Variants in SGCZ observed in about 807,000 individuals in gnomAD.
SGCZ encodes zeta-sarcoglycan.
A neutral mutation model predicts 41.3 loss-of-function variants in SGCZ; 40 were observed. The ratio of observed to expected loss-of-function variants is 0.97; its 90% confidence interval spans 0.75 to 1.26. SGCZ has a LOEUF of 1.26. Among genes scored for constraint, SGCZ ranks in the 50% most tolerant of loss-of-function variants. The pLI is 0.00. For synonymous variants in SGCZ, 206 were observed against 137.5 expected, an observed-to-expected ratio of 1.50 and a Z score of -3.49; for missense variants, 552 against 369.8, an observed-to-expected ratio of 1.49 and a Z score of -4.04.
At chr8:14,960,788 T>C (rs1333846571) in intron 1 of SGCZ, among the ~76,000 whole-genome samples, 3 of 152,038 alleles carry the variant, frequency 2.0e-5, no homozygotes, top group African/African-American at 7.2e-5. Flanking sequence ...TTCTACTACA[T>C]CAATTAAGGA....
intron 1 of SGCZ, among the ~76,000 whole-genome samples, chr8:14,702,834 TA>T (rs35802628): frequency 0.18 from 19,966 of 108,154 alleles, 2,115 homozygotes; most frequent in Non-Finnish European, 0.26. Context: ...GATAGATAGA[TA>T]GATAGATAGA....
At chr8:14,502,722 G>A (rs186246512) in intron 2 of SGCZ, among the ~76,000 whole-genome samples, 9 of 152,278 alleles carry the variant, frequency 5.9e-5, no homozygotes, top group Admixed American at 5.2e-4. Context: ...CTGGTCATTG[G>A]AGAAATGCAA....
intron 1 of SGCZ, among the ~76,000 whole-genome samples, chr8:15,184,627 A>G (rs1465672488): frequency 6.6e-6 from 1 of 152,134 alleles, no homozygotes; most frequent in African/African-American, 2.4e-5. Context: ...CCCCAGCAGG[A>G]AACTGAGAGG....
At chr8:14,824,477 A>G (rs1376787885) in intron 1 of SGCZ, among the ~76,000 whole-genome samples, 2 of 152,080 alleles carry the variant, frequency 1.3e-5, no homozygotes, top group Non-Finnish European at 2.9e-5. Flanking sequence ...GTTACTTCAA[A>G]TATTTCCATA....
intron 2 of SGCZ, among the ~76,000 whole-genome samples, chr8:14,466,450 G>A (rs1801052725): frequency 6.6e-6 from 1 of 151,938 alleles, no homozygotes; most frequent in Admixed American, 6.6e-5. Flanking sequence ...ATTGAAGTGA[G>A]AGTCTTTTAG....
intron 1 of SGCZ, among the ~76,000 whole-genome samples, chr8:14,697,883 TTC>T (rs1193539140): frequency 6.6e-6 from 1 of 152,020 alleles, no homozygotes; most frequent in Non-Finnish European, 1.5e-5. Flanking sequence ...CTTGGTTGCT[TTC>T]TGTTTCCCTC....
intron 2 of SGCZ, among the ~76,000 whole-genome samples, chr8:14,497,852 C>G (rs1301979297): frequency 1.3e-5 from 2 of 152,146 alleles, no homozygotes; most frequent in African/African-American, 4.8e-5. Flanking sequence ...AACAATAAGA[C>G]AGTTAGGTTG....
In SGCZ at chr8:15,223,754, T is replaced by C. The variant is rs190417207; in HGVS notation, c.39+13831A>G. Among the ~76,000 whole-genome samples, 46 of 152,326 alleles carry C rather than the reference T, an allele frequency of 3.0e-4. 1 individual carries two copies. The highest frequency in any genetic ancestry group is 5.2e-4 in the Admixed American group (8 of 15,302). ...ATTATATTTTGCACATTTCAGATAG[T>C]ATGGAGTCATTACAGAATATGTATT... On this transcript the variant is annotated intron_variant, in intron 1 of 7. Transcript: ENST00000382080.
intron 2 of SGCZ, among the ~76,000 whole-genome samples, chr8:14,412,503 G>A: frequency 6.6e-6 from 1 of 152,098 alleles, no homozygotes; most frequent in East Asian, 1.9e-4. Context: ...CATAAATGCT[G>A]CCAGGCCTTG....
chr8:14,778,673 T>C (rs539666877), intron 1 of SGCZ, among the ~76,000 whole-genome samples: 135 of 152,286 alleles, frequency 8.9e-4, no homozygotes, highest in Non-Finnish European at 1.4e-3. Context: ...AGGACATTAA[T>C]CAATATTTCA....
chr8:14,346,357 T>C (rs1183459440), intron 2 of SGCZ, among the ~76,000 whole-genome samples: 3 of 152,062 alleles, frequency 2.0e-5, no homozygotes, highest in African/African-American at 7.2e-5. Context: ...TCATGCATTA[T>C]ATAGGAACAA....
intron 2 of SGCZ, among the ~76,000 whole-genome samples, chr8:14,368,671 T>C (rs763310768): frequency 8.5e-5 from 13 of 152,154 alleles, no homozygotes; most frequent in Non-Finnish European, 1.3e-4. Flanking sequence ...ATAAGAGACA[T>C]TGCATTCCTT....
rs978602140 is a variant in SGCZ at position 14,153,613 on chromosome 8, G to A, written c.547+10967C>T. Reference sequence around the variant, plus strand: ...CAAAAGGCCTGTGTTTCAGCCACAGGCAGGTACTACAGTCTTCCATTGTTT... The same window carrying A: ...CAAAAGGCCTGTGTTTCAGCCACAGACAGGTACTACAGTCTTCCATTGTTT... On this transcript the variant is annotated intron_variant, in intron 5 of 7. Coordinates refer to ENST00000382080, the MANE Select transcript of SGCZ (RefSeq NM_139167.4). 1.8e-4 allele frequency among the ~76,000 whole-genome samples: 28 copies of A among 152,222 alleles called. No individual in the cohort carries two copies. The East Asian group carries it at 5.0e-3, about 27-fold the overall frequency.
chr8:14,154,865 C>T (rs1803829159), intron 5 of SGCZ, among the ~76,000 whole-genome samples: 3 of 152,134 alleles, frequency 2.0e-5, no homozygotes, highest in African/African-American at 7.2e-5. Flanking sequence ...CTGATGACAA[C>T]TATGATCAGC....
intron 3 of SGCZ, among the ~76,000 whole-genome samples, chr8:14,304,421 T>G (rs1164865484): frequency 2.6e-5 from 4 of 151,966 alleles, no homozygotes; most frequent in Middle Eastern, 3.2e-3. Context: ...CAGTAAAACT[T>G]TGTCTCTACA....
chr8:14,427,032 AT>A (rs1416480668), intron 2 of SGCZ, among the ~76,000 whole-genome samples: 1 of 88,146 alleles, frequency 1.1e-5, no homozygotes, highest in African/African-American at 7.3e-5. Context: ...GTAACATTAA[AT>A]GAATGAATGA....
rs1799475495 is a variant in SGCZ, at chr8:14,750,811, T to A, written c.40-195885A>T. On this transcript the variant is annotated intron_variant, in intron 1 of 7. Transcript: ENST00000382080. ...ACTTCCGTACAAAGCAAAATAGTTT[T>A]GCGAAATGCATATTACTGTGCCTAT... 2.6e-5 allele frequency among the ~76,000 whole-genome samples: 4 copies of A among 152,206 alleles called. No homozygotes were observed. The South Asian group carries it at 8.3e-4, about 31-fold the overall frequency.
intron 2 of SGCZ, among the ~76,000 whole-genome samples, chr8:14,509,388 G>T (rs548838497): frequency 6.6e-6 from 1 of 152,244 alleles, no homozygotes; most frequent in East Asian, 1.9e-4. Flanking sequence ...TAAAATGACA[G>T]AAAATGATAT....
At position 14,463,405 on chromosome 8, in the gene SGCZ, TAAA is replaced by T. The variant is rs55785142; in HGVS notation, c.234+91324_234+91326del. On this transcript the variant is annotated intron_variant, in intron 2 of 7. Transcript: ENST00000382080. ...AATACGAAGTTTTTAACAAGTGGTG[TAAA>T]AAAAAAAAAAAAACCCTGGATATCC... Among the ~76,000 whole-genome samples the T allele has an allele frequency of 6.2e-4, 79 of 128,424 alleles. 2 individuals carry two copies. The highest frequency in any genetic ancestry group is 1.5e-3 in the South Asian group (6 of 3,888). 84.3% of individuals were successfully genotyped at this position (128,424 alleles called of 152,430 possible).
Sources: allele counts gnomAD v4.1 joint callset (sites outside exome capture counted in the v4.1 genomes callset), GRCh38; gene constraint gnomAD v4.1.1; transcripts MANE v1.5; gene names NCBI Gene and HGNC (gene_info 2026-07-23, HGNC 2026-07-21).